Variants in NCOR2 observed in about 807,000 individuals in gnomAD.
NCOR2 encodes CTG repeat protein 26.
NCOR2 carries 81 observed loss-of-function variants against 262.9 expected under a neutral mutation model. The ratio of observed to expected loss-of-function variants is 0.31; its 90% confidence interval spans 0.26 to 0.37. The LOEUF is 0.37. Among genes scored for constraint, NCOR2 ranks in the 10% least tolerant of loss-of-function variants. The pLI is 1.00. For missense variants in NCOR2, 3,385 were observed against 3,621.4 expected (o/e 0.93, Z 1.68); for synonymous variants, 1,659 against 1,559.3 (o/e 1.06, Z -1.51).
intron 5 of NCOR2, 44 bp downstream of exon 7, chr12:124,466,129 A>G (rs376364914): frequency 1.2e-5 from 19 of 1,552,442 alleles, no homozygotes; most frequent in Non-Finnish European, 1.2e-5. Flanking sequence ...GAAGCGCCTC[A>G]TGGCCAGCAC....
intron 13 of NCOR2, among the ~76,000 whole-genome samples, chr12:124,411,138 G>A (rs899104713): frequency 6.6e-6 from 1 of 151,896 alleles, no homozygotes; most frequent in African/African-American, 2.4e-5. Flanking sequence ...GGGGGAAAGA[G>A]AGAGAGACGG....
exon 20 of NCOR2, chr12:124,372,199 C>T (rs765830177): frequency 7.5e-6 from 12 of 1,601,552 alleles, no homozygotes; most frequent in Admixed American, 3.3e-5. Flanking sequence ...CGCGTCCTTG[C>T]CCTTGGCCGG....
intron 3 of NCOR2, among the ~76,000 whole-genome samples, chr12:124,479,337 AACACACAT>A (rs1389836798): frequency 1.3e-5 from 2 of 150,744 alleles, no homozygotes; most frequent in African/African-American, 4.9e-5. Flanking sequence ...TGCGCACACA[AACACACAT>A]ACACACGTGC....
intron 10 of NCOR2, chr12:124,429,287 G>GGAGGCAGGAGATGGGAAGAGTGA (rs2043779420): frequency 5.8e-6 from 2 of 347,084 alleles, no homozygotes; most frequent in African/African-American, 4.2e-5. Context: ...AGTTCCAAAA[G>GGAGGCAGGAGATGGGAAGAGTGA]GAGGCAGGAG....
chr12:124,359,618 G>A (rs907628602), intron 22 of NCOR2, among the ~76,000 whole-genome samples: 10 of 152,236 alleles, frequency 6.6e-5, no homozygotes, highest in Admixed American at 5.9e-4. Context: ...TGGCCCCTCT[G>A]GCTACCCAGC....
chr12:124,550,024 G>A (rs2051665619), intron 1 of NCOR2, among the ~76,000 whole-genome samples: 1 of 152,230 alleles, frequency 6.6e-6, no homozygotes, highest in Admixed American at 6.5e-5. Context: ...TCTGGCGGGA[G>A]TGACTGTGAC....
intron 13 of NCOR2, among the ~76,000 whole-genome samples, chr12:124,411,832 C>T (rs1219380691): frequency 6.6e-6 from 1 of 152,220 alleles, no homozygotes; most frequent in Admixed American, 6.5e-5. Flanking sequence ...GCTCAAAAGC[C>T]GCTCACGGCC....
intron 1 of NCOR2, among the ~76,000 whole-genome samples, chr12:124,494,115 C>T (rs1339514995): frequency 1.3e-5 from 2 of 152,208 alleles, no homozygotes; most frequent in Non-Finnish European, 2.9e-5. Flanking sequence ...CAGGCAGGGC[C>T]AGTGAGCTTA....
intron 8 of NCOR2, among the ~76,000 whole-genome samples, chr12:124,433,625 C>T (rs938585053): frequency 2.5e-4 from 38 of 152,172 alleles, no homozygotes; most frequent in Non-Finnish European, 2.5e-4. Flanking sequence ...AAGGAAGTCC[C>T]CCTCTGGGTC....
intron 3 of NCOR2, among the ~76,000 whole-genome samples, chr12:124,473,545 G>C (rs146592416): frequency 6.6e-6 from 1 of 151,994 alleles, no homozygotes; most frequent in Non-Finnish European, 1.5e-5. Flanking sequence ...CCTTGTGATC[G>C]TGTGAGTTAA....
rs2136561561 is a variant in NCOR2, at chr12:124,457,607, A to T, written c.706-445T>A. On this transcript the variant is annotated intron_variant, in intron 5 of 46. Coordinates refer to ENST00000405201, the Ensembl canonical transcript of NCOR2. This position sits in a 1 kb window ranked among gnomAD's most constrained non-coding sequence, Gnocchi z 4.0. ...CGAGGGAAGGAGGAGGAGGAGGAGG[A>T]GGGAGGGTGAGATAGAGGCGCTCGG... 6.6e-6 allele frequency among the ~76,000 whole-genome samples: 1 copy of T among 152,280 alleles called. No individual in the cohort carries two copies. Among genetic ancestry groups the T allele is most frequent in the East Asian group, 1.9e-4 (1 of 5,164 alleles).
intron 1 of NCOR2, among the ~76,000 whole-genome samples, chr12:124,521,728 TA>T (rs1247368576): frequency 6.6e-6 from 1 of 152,174 alleles, no homozygotes; most frequent in Non-Finnish European, 1.5e-5. Flanking sequence ...CTGTTCATGT[TA>T]AAATGGTAAA....
At chr12:124,519,299 G>A (rs114246586) in intron 1 of NCOR2, among the ~76,000 whole-genome samples, 2,567 of 152,240 alleles carry the variant, frequency 0.017, 72 homozygotes, top group African/African-American at 0.058. Context: ...GAGATGAGGC[G>A]CCAGAGGAAG....
At position 124,404,289 on chromosome 12, in the gene NCOR2, G is replaced by C. The variant is rs545961436; in HGVS notation, c.1483-1728C>G. Among the ~76,000 whole-genome samples, 3 of 152,314 alleles carry C rather than the reference G, an allele frequency of 2.0e-5. No individual in the cohort carries two copies. In the South Asian group the frequency reaches 6.2e-4, roughly 32 times the overall value. ...GCATGGATGCCGTCTCCCCGGGTCA[G>C]ATGTCCCTGGCAACAGCCCAGGGCC... On this transcript the variant is annotated intron_variant, in intron 13 of 46. Transcript: ENST00000405201.
intron 16 of NCOR2, among the ~76,000 whole-genome samples, chr12:124,395,821 G>C (rs2041620227): frequency 6.6e-6 from 1 of 152,140 alleles, no homozygotes; most frequent in Non-Finnish European, 1.5e-5. Flanking sequence ...CCGATGGGTG[G>C]GTGCTCTGGG....
chr12:124,376,265 C>T (rs1330464405), intron 18 of NCOR2, among the ~76,000 whole-genome samples: 3 of 152,234 alleles, frequency 2.0e-5, no homozygotes, highest in African/African-American at 7.2e-5. Context: ...GCATGCCCCT[C>T]CCCGTCCCTA....
chr12:124,535,805 T>G (rs1405111594), upstream of NCOR2, among the ~76,000 whole-genome samples: 1 of 152,138 alleles, frequency 6.6e-6, no homozygotes, highest in Non-Finnish European at 1.5e-5. Flanking sequence ...AGACTGACGC[T>G]CAGACAATCA....
At chr12:124,337,294 G>T in intron 37 of NCOR2, 114 bp from the exon 40 acceptor site, 1 of 1,249,770 alleles carries the variant, frequency 8.0e-7, no homozygotes, top group Non-Finnish European at 1.1e-6. Flanking sequence ...TGCTCCCAGA[G>T]TGAAACTGCC....
chr12:124,377,211 G>A (rs2040073073), intron 18 of NCOR2, among the ~76,000 whole-genome samples: 1 of 152,166 alleles, frequency 6.6e-6, no homozygotes, highest in Admixed American at 6.5e-5. Flanking sequence ...GGGGACTCGG[G>A]GGGACCCACC....
Sources: gnomAD v4.1 joint callset for allele counts (sites outside exome capture counted in the v4.1 genomes callset) on GRCh38, gnomAD v4.1.1 for gene constraint, Gnocchi (gnomAD v3.1) non-coding constraint, MANE v1.5 for transcripts, NCBI Gene and HGNC (gene_info 2026-07-23, HGNC 2026-07-21) for gene names.